Variants in GABRR2 observed in about 807,000 individuals in gnomAD.
GABRR2 encodes the protein gamma-aminobutyric acid type A receptor subunit rho2.
In GABRR2, 36 loss-of-function variants were observed where a neutral mutation model predicts 47.0. The observed-to-expected ratio is 0.77, with a 90% CI of 0.59 to 1.01. The LOEUF (loss-of-function observed/expected upper bound fraction) is 1.01, where lower values mean the gene tolerates loss of function less well. Among genes scored for constraint, GABRR2 ranks in the 50% least tolerant of loss-of-function variants. The pLI, the probability that GABRR2 is intolerant of heterozygous loss-of-function variation, is 0.00. For synonymous variants in GABRR2, 204 were observed against 227.5 expected (o/e 0.90, Z 0.93); for missense variants, 587 against 594.6 (o/e 0.99, Z 0.13).
chr6:89,305,897 T>G (rs1767550433), intron 1 of GABRR2, among the ~76,000 whole-genome samples: 2 of 152,202 alleles, frequency 1.3e-5, no homozygotes, highest in South Asian at 2.1e-4. Context: ...CAAACCCCTG[T>G]GACACAAGTT....
chr6:89,280,475 G>T (rs2127839670), intron 2 of GABRR2, among the ~76,000 whole-genome samples: 1 of 151,890 alleles, frequency 6.6e-6, no homozygotes, highest in Non-Finnish European at 1.5e-5. Context: ...TGTCACTGAG[G>T]GTCACACTCT....
intron 1 of GABRR2, among the ~76,000 whole-genome samples, chr6:89,314,486 T>C (rs1282062078): frequency 6.6e-6 from 1 of 152,242 alleles, no homozygotes; most frequent in East Asian, 1.9e-4. Context: ...TGAAATTGCA[T>C]TCACTGTTGT....
Position 89,269,236 on chromosome 6 carries a change from T to G in GABRR2, c.289-2A>C. 6.2e-7 allele frequency: 1 copy of G among 1,613,500 alleles called. No individual in the cohort carries two copies. Among genetic ancestry groups the G allele is most frequent in the Non-Finnish European group, 8.5e-7 (1 of 1,179,440 alleles). ...CAGGTACAGGGTCATAGTGAAGTCC[T>G]GTGGGAGCCGGGGTGAGACCAGACA... On this transcript the variant is annotated splice_acceptor_variant, in intron 3 of 8. Transcript: ENST00000402938. LOFTEE classifies it high-confidence loss of function.
intron 1 of GABRR2, among the ~76,000 whole-genome samples, chr6:89,310,750 G>C (rs1391351371): frequency 6.6e-6 from 1 of 151,838 alleles, no homozygotes; most frequent in Non-Finnish European, 1.5e-5. Flanking sequence ...AGGGGGTGGG[G>C]GGTGTGGTGG....
At chr6:89,284,639 A>C (rs1774303983) in intron 2 of GABRR2, among the ~76,000 whole-genome samples, 1 of 152,226 alleles carries the variant, frequency 6.6e-6, no homozygotes, top group Admixed American at 6.5e-5. Context: ...CGGCCTCTAG[A>C]ACCCAGGAAG....
rs781763241 is a variant in GABRR2 at position 89,255,307 on chromosome 6, G to A, written c.*2363C>T. On this transcript the variant is annotated 3_prime_UTR_variant, in exon 9 of 9. Transcript: ENST00000402938. ...ACAAAAGTTAGCCAGGCATGGTGGC[G>A]CATGCCTGTAATCCCAGCTACTCCA... 6.6e-5 allele frequency among the ~76,000 whole-genome samples: 10 copies of A among 152,030 alleles called. No homozygotes were observed. Among genetic ancestry groups the A allele is most frequent in the African/African-American group, 9.7e-5 (4 of 41,380 alleles).
intron 2 of GABRR2, among the ~76,000 whole-genome samples, chr6:89,278,879 G>A (rs1467443043): frequency 6.6e-6 from 1 of 152,200 alleles, no homozygotes; most frequent in Non-Finnish European, 1.5e-5. Context: ...AGAGGAGGAC[G>A]GGAGGTGTTG....
chr6:89,281,243 C>T (rs1398863030), intron 2 of GABRR2, among the ~76,000 whole-genome samples: 2 of 152,122 alleles, frequency 1.3e-5, no homozygotes, highest in Admixed American at 1.3e-4. Flanking sequence ...GCTTAAAATC[C>T]GTGGAGAGGA....
At chr6:89,281,333 A>C (rs1015097296) in intron 2 of GABRR2, among the ~76,000 whole-genome samples, 3 of 152,142 alleles carry the variant, frequency 2.0e-5, no homozygotes, top group Non-Finnish European at 2.9e-5. Context: ...GGATCAGTGA[A>C]GTCCAACGAA....
rs1246195472 is a variant in GABRR2 at position 89,259,890 on chromosome 6, TTTTTTTTTG to T, written c.1087-1918_1087-1910del. ...GAGGTCATCTCTCTCTCTCTTTTTT[TTTTTTTTTG>T]TTTTTTTTGTTTTTTTTGTTTTTTA... On this transcript the variant is annotated intron_variant, in intron 8 of 8. Coordinates refer to ENST00000402938, the MANE Select transcript of GABRR2 (RefSeq NM_002043.5). 4.6e-5 allele frequency among the ~76,000 whole-genome samples: 7 copies of T among 151,288 alleles called. No individual in the cohort carries two copies. In the East Asian group the frequency reaches 7.7e-4, roughly 17 times the overall value.
At chr6:89,304,736 G>A (rs1313062329) in intron 1 of GABRR2, among the ~76,000 whole-genome samples, 1 of 152,068 alleles carries the variant, frequency 6.6e-6, no homozygotes. Flanking sequence ...AAACCACAAT[G>A]AGATACCGTC....
chr6:89,302,676 C>T (rs1284488342), intron 1 of GABRR2: 26 of 1,298,332 alleles, frequency 2.0e-5, no homozygotes, highest in Middle Eastern at 2.5e-4. Flanking sequence ...TGCCCGCGAC[C>T]GGCACCACGG....
chr6:89,298,786 C>T (rs1774598604), intron 2 of GABRR2, among the ~76,000 whole-genome samples: 1 of 152,154 alleles, frequency 6.6e-6, no homozygotes, highest in Admixed American at 6.5e-5. Flanking sequence ...CAATCCTAAC[C>T]CGCAATGGGA....
chr6:89,313,790 G>A (rs926415547), intron 1 of GABRR2, among the ~76,000 whole-genome samples: 3 of 152,074 alleles, frequency 2.0e-5, no homozygotes, highest in Admixed American at 1.3e-4. Flanking sequence ...GCTGGTGCAC[G>A]CCTGTAATCC....
rs1258422430 is a variant in GABRR2, at chr6:89,267,764, T to C, written c.651A>G (p.Leu217=). 2 of 1,613,932 alleles carry C rather than the reference T, an allele frequency of 1.2e-6. No homozygotes were observed. The highest frequency in any genetic ancestry group is 3.3e-5 in the Admixed American group (2 of 60,020). The change falls in exon 6 of 9, where the codon CTA becomes CTG. Residue 217 remains leucine, a synonymous_variant. Coordinates refer to ENST00000402938, the MANE Select transcript of GABRR2 (RefSeq NM_002043.5). Reference sequence around the variant, plus strand: ...ACAAGGAGATCTTCTCATCTGTTTTTAGGGATTCATCCCCATTCTTCCAGT... The same window carrying C: ...ACAAGGAGATCTTCTCATCTGTTTTCAGGGATTCATCCCCATTCTTCCAGT... ...MLYWKNGDES[L]KTDEKISLSQ...
intron 2 of GABRR2, among the ~76,000 whole-genome samples, chr6:89,277,616 C>T (rs886566372): frequency 1.1e-5 from 1 of 88,354 alleles, no homozygotes; most frequent in African/African-American, 5.4e-5. Context: ...ATGTATTTAA[C>T]AAAAACACAC....
At position 89,275,275 on chromosome 6, in the gene GABRR2, CT is replaced by C. The variant is rs527357668; in HGVS notation, c.221-3554del. On this transcript the variant is annotated intron_variant, in intron 2 of 8. Transcript: ENST00000402938. The stretch of plus-strand genomic sequence containing the variant: ...AATTGGACAAAAATAGAAAAATTTA[CT>C]TTTTTTTCTGTTTTTAAGACAAAGT... Among the ~76,000 whole-genome samples, 28 of 152,108 alleles carry C rather than the reference CT, an allele frequency of 1.8e-4. 1 individual carries two copies. In the South Asian group the frequency reaches 5.2e-3, roughly 28 times the overall value.
In GABRR2 at chr6:89,267,753, T is replaced by C; in HGVS notation, c.662A>G (p.Glu221Gly). The C allele has an allele frequency of 6.2e-7, 1 of 1,613,960 alleles. No homozygotes were observed. Among genetic ancestry groups the C allele is most frequent in the Non-Finnish European group, 8.5e-7 (1 of 1,179,836 alleles). Residue 221 changes from glutamate to glycine, a missense_variant, in exon 6 of 9, where the codon GAG becomes GGG. Glu to Gly is a moderately conservative substitution (Grantham distance 98). Transcript: ENST00000402938. ...KNGDESLKTD[E>G]KISLSQFLIQ... ...CAGAAACTGAGACAAGGAGATCTTC[T>C]CATCTGTTTTTAGGGATTCATCCCC...
At chr6:89,274,239 G>A (rs1262365736) in intron 2 of GABRR2, among the ~76,000 whole-genome samples, 2 of 152,190 alleles carry the variant, frequency 1.3e-5, no homozygotes, top group Admixed American at 1.3e-4. Flanking sequence ...GGTTGTTGGA[G>A]GAAAACAATC....
Sources: allele counts gnomAD v4.1 joint callset (sites outside exome capture counted in the v4.1 genomes callset), GRCh38; gene constraint gnomAD v4.1.1; transcripts MANE v1.5; gene names NCBI Gene and HGNC (gene_info 2026-07-23, HGNC 2026-07-21).